AXDND1: variants seen among roughly 807,000 people sequenced by gnomAD.
AXDND1 encodes the protein axonemal dynein light chain domain-containing protein 1.
In AXDND1, 110 loss-of-function variants were observed where a neutral mutation model predicts 137.5. That is an observed-to-expected ratio of 0.80 (90% confidence interval 0.69 to 0.94). The LOEUF is 0.94. Among genes scored for constraint, AXDND1 ranks in the 40% least tolerant of loss-of-function variants. The pLI is 0.00. For missense variants in AXDND1, 1,191 were observed against 1,169.8 expected (o/e 1.02, Z -0.26); for synonymous variants, 414 against 399.7 (o/e 1.04, Z -0.43).
chr1:179,515,199 A>G (rs4414009), intron 21 of AXDND1, among the ~76,000 whole-genome samples: 46,994 of 151,950 alleles, frequency 0.31, 7,794 homozygotes, highest in Middle Eastern at 0.42. Context: ...TATGCTTTAA[A>G]GAGCTTCTGT....
intron 11 of AXDND1, among the ~76,000 whole-genome samples, chr1:179,400,280 C>T (rs1558123667): frequency 6.6e-6 from 1 of 152,006 alleles, no homozygotes; most frequent in African/African-American, 2.4e-5. Context: ...TTTGCAGTGA[C>T]CTGGATGAGA....
intron 16 of AXDND1, chr1:179,455,274 CAAAAAAAA>C (rs1204381530): frequency 6.0e-5 from 3 of 49,654 alleles, no homozygotes; most frequent in Non-Finnish European, 1.2e-4. Flanking sequence ...GACTCTGTTT[CAAAAAAAA>C]AAAAAAAAAA....
At chr1:179,487,232 T>G (rs1442576925) in intron 18 of AXDND1, among the ~76,000 whole-genome samples, 1 of 148,682 alleles carries the variant, frequency 6.7e-6, no homozygotes, top group Non-Finnish European at 1.5e-5. Context: ...CCAGTTTTTT[T>G]GTCATTGTTT....
chr1:179,427,649 A>T (rs889387511), intron 12 of AXDND1, among the ~76,000 whole-genome samples: 2 of 152,184 alleles, frequency 1.3e-5, no homozygotes. Flanking sequence ...TATTATTTTT[A>T]AAAAAGAATC....
At chr1:179,400,337 A>C (rs187502949) in intron 11 of AXDND1, among the ~76,000 whole-genome samples, 1 of 152,132 alleles carries the variant, frequency 6.6e-6, no homozygotes, top group Admixed American at 6.6e-5. Flanking sequence ...TGGAAAACCA[A>C]ACATTGTATG....
intron 12 of AXDND1, among the ~76,000 whole-genome samples, chr1:179,418,042 G>A (rs1654978679): frequency 6.7e-6 from 1 of 150,372 alleles, no homozygotes; most frequent in African/African-American, 2.4e-5. Flanking sequence ...CGCAGAGGGG[G>A]ATTTGGCAGG....
chr1:179,401,339 C>A (rs1242987338), intron 11 of AXDND1, among the ~76,000 whole-genome samples: 1 of 151,014 alleles, frequency 6.6e-6, no homozygotes, highest in Non-Finnish European at 1.5e-5. Flanking sequence ...TAAAATTTTA[C>A]CAAGTTTTTC....
chr1:179,381,943 A>ATT (rs71111920), intron 6 of AXDND1, among the ~76,000 whole-genome samples: 3,014 of 105,312 alleles, frequency 0.029, 77 homozygotes, highest in African/African-American at 0.075. Flanking sequence ...ACCACACCTA[A>ATT]TTTTTTTTTT....
intron 16 of AXDND1, among the ~76,000 whole-genome samples, chr1:179,466,868 C>G (rs1319278506): frequency 6.6e-6 from 1 of 152,096 alleles, no homozygotes; most frequent in Non-Finnish European, 1.5e-5. Context: ...CACGGATCAC[C>G]TTAATCCAAG....
chr1:179,485,364 A>T (rs1219725952), intron 18 of AXDND1, among the ~76,000 whole-genome samples: 1 of 152,184 alleles, frequency 6.6e-6, no homozygotes, highest in Non-Finnish European at 1.5e-5. Flanking sequence ...GGGCCAGATA[A>T]CAAAGCTGGG....
intron 16 of AXDND1, among the ~76,000 whole-genome samples, chr1:179,465,362 T>G (rs528760394): frequency 1.3e-5 from 2 of 152,350 alleles, no homozygotes; most frequent in South Asian, 4.1e-4. Context: ...CAGCTGCAGG[T>G]CTGTTGGAGT....
At chr1:179,408,512 G>A (rs909438133) in intron 11 of AXDND1, among the ~76,000 whole-genome samples, 5 of 152,026 alleles carry the variant, frequency 3.3e-5, no homozygotes, top group African/African-American at 1.2e-4. Context: ...AAGTAGCTGG[G>A]ACTACAGGCA....
intron 12 of AXDND1, among the ~76,000 whole-genome samples, chr1:179,417,505 C>A (rs550124385): frequency 6.6e-6 from 1 of 152,058 alleles, no homozygotes; most frequent in South Asian, 2.1e-4. Context: ...GTCTTTAATC[C>A]ATTTTGATTT....
At chr1:179,448,284 T>G in intron 16 of AXDND1, 1 of 769,922 alleles carries the variant, frequency 1.3e-6, no homozygotes, top group South Asian at 1.3e-5. Context: ...AGTGCTAGCA[T>G]ATTGAAAGAG....
chr1:179,426,127 G>A (rs759519944), intron 12 of AXDND1, among the ~76,000 whole-genome samples: 10 of 152,156 alleles, frequency 6.6e-5, no homozygotes, highest in Admixed American at 1.3e-4. Context: ...GAGCCACTGC[G>A]CCTGGCCAAA....
chr1:179,469,743 A>T (rs1663688139), intron 17 of AXDND1, among the ~76,000 whole-genome samples: 1 of 152,084 alleles, frequency 6.6e-6, no homozygotes, highest in Non-Finnish European at 1.5e-5. Flanking sequence ...GTGTTATTTT[A>T]TTGTAGTTTT....
chr1:179,520,053 T>A (rs576004044), intron 21 of AXDND1, among the ~76,000 whole-genome samples: 37 of 152,356 alleles, frequency 2.4e-4, no homozygotes, highest in African/African-American at 7.5e-4. Flanking sequence ...TCATCTGTGA[T>A]TTCTTTGAGC....
intron 11 of AXDND1, among the ~76,000 whole-genome samples, chr1:179,409,652 C>A (rs79893062): frequency 6.6e-6 from 1 of 151,942 alleles, no homozygotes; most frequent in Non-Finnish European, 1.5e-5. Flanking sequence ...GAGGCTGAGG[C>A]GGGCGGATCA....
chr1:179,474,945 G>A (rs534855734), intron 17 of AXDND1, among the ~76,000 whole-genome samples: 1 of 152,348 alleles, frequency 6.6e-6, no homozygotes, highest in African/African-American at 2.4e-5. Context: ...GCTCTGTGAA[G>A]CCTTGGGACA....
Sources: allele counts gnomAD v4.1 joint callset (sites outside exome capture counted in the v4.1 genomes callset), GRCh38; gene constraint gnomAD v4.1.1; transcripts MANE v1.5; gene names NCBI Gene and HGNC (gene_info 2026-07-23, HGNC 2026-07-21).